The following DPYD variants were observed in gnomAD, a reference collection of about 807,000 sequenced individuals.
DPYD encodes dihydropyrimidine dehydrogenase [NADP(+)].
In DPYD, 109 loss-of-function variants were observed where a neutral mutation model predicts 116.2. The observed-to-expected ratio is 0.94, with a 90% CI of 0.80 to 1.10. The LOEUF is 1.10. Among genes scored for constraint, DPYD ranks in the 50% least tolerant of loss-of-function variants. The probability of loss-of-function intolerance (pLI) is 0.00; values close to 1 mark genes in which losing one functional copy is unlikely to be tolerated. For synonymous variants in DPYD, 440 were observed against 432.0 expected (o/e 1.02, Z -0.23); for missense variants, 1,302 against 1,254.5 (o/e 1.04, Z -0.57).
At chr1:97,313,657 C>T (rs1667647706) in intron 16 of DPYD, among the ~76,000 whole-genome samples, 1 of 151,744 alleles carries the variant, frequency 6.6e-6, no homozygotes, top group African/African-American at 2.4e-5. Context: ...ACCTGGAATG[C>T]CCTTCATTTT....
chr1:97,885,346 AAT>A (rs1672430152), intron 1 of DPYD, among the ~76,000 whole-genome samples: 1 of 152,032 alleles, frequency 6.6e-6, no homozygotes, highest in South Asian at 2.1e-4. Context: ...ACAAGCTAAA[AAT>A]GTTATTTTCC....
chr1:97,545,873 T>C, intron 12 of DPYD: 1 of 1,074,964 alleles, frequency 9.3e-7, no homozygotes, highest in South Asian at 1.3e-5. Context: ...CTTAGACAGG[T>C]TTCTAATCAT....
chr1:97,496,103 T>C (rs868530462), intron 13 of DPYD, among the ~76,000 whole-genome samples: 3 of 152,104 alleles, frequency 2.0e-5, no homozygotes, highest in Admixed American at 2.0e-4. Context: ...AATAAACAGC[T>C]GGCAAGTCAG....
chr1:97,635,218 G>A (rs977783661), intron 8 of DPYD, among the ~76,000 whole-genome samples: 3 of 152,076 alleles, frequency 2.0e-5, no homozygotes, highest in Non-Finnish European at 2.9e-5. Flanking sequence ...AATTATGTAG[G>A]GACCGATATA....
At chr1:97,662,456 C>T (rs897416961) in intron 8 of DPYD, among the ~76,000 whole-genome samples, 2 of 151,622 alleles carry the variant, frequency 1.3e-5, no homozygotes, top group Admixed American at 6.6e-5. Context: ...CATGGAGAAA[C>T]TCCATCTCTA....
chr1:97,303,829 T>C (rs1667001693), intron 18 of DPYD, among the ~76,000 whole-genome samples: 1 of 151,986 alleles, frequency 6.6e-6, no homozygotes. Context: ...TGAATATTTA[T>C]ATATGAATTT....
chr1:97,721,773 G>A (rs1477270898), intron 4 of DPYD, 102 bp from the exon 5 acceptor site: 1 of 1,138,082 alleles, frequency 8.8e-7, no homozygotes, highest in South Asian at 1.4e-5. Context: ...TCAGATTGAA[G>A]ATAATGATGT....
intron 8 of DPYD, among the ~76,000 whole-genome samples, chr1:97,644,451 C>G (rs1237896891): frequency 6.6e-6 from 1 of 151,866 alleles, no homozygotes; most frequent in African/African-American, 2.4e-5. Flanking sequence ...TGTTTTGAGA[C>G]AGAGTCTCCA....
chr1:97,895,673 G>A (rs1475514136), intron 1 of DPYD, among the ~76,000 whole-genome samples: 1 of 151,652 alleles, frequency 6.6e-6, no homozygotes, highest in Non-Finnish European at 1.5e-5. Context: ...AGGAGCTGAG[G>A]AGTTGGGGAA....
intron 10 of DPYD, among the ~76,000 whole-genome samples, chr1:97,583,305 G>C (rs569027843): frequency 2.4e-4 from 36 of 152,148 alleles, no homozygotes; most frequent in African/African-American, 8.2e-4. Flanking sequence ...ATTTACTATT[G>C]ATGACATTTT....
At chr1:97,259,879 C>T (rs191046064) in intron 18 of DPYD, among the ~76,000 whole-genome samples, 1 of 152,202 alleles carries the variant, frequency 6.6e-6, no homozygotes, top group Non-Finnish European at 1.5e-5. Context: ...GATATGTACA[C>T]ATCTCTTTAC....
At chr1:97,682,946 C>T (rs2100926794) in intron 7 of DPYD, among the ~76,000 whole-genome samples, 1 of 152,148 alleles carries the variant, frequency 6.6e-6, no homozygotes, top group African/African-American at 2.4e-5. Flanking sequence ...GCCAAAGTTC[C>T]ATCTAATAGT....
At chr1:97,395,727 T>A (rs1033743190) in intron 14 of DPYD, among the ~76,000 whole-genome samples, 9 of 152,088 alleles carry the variant, frequency 5.9e-5, no homozygotes, top group African/African-American at 2.2e-4. Flanking sequence ...TGACTTGTTT[T>A]AATCAGTAGA....
At chr1:97,171,297 T>C (rs1656709461) in intron 20 of DPYD, among the ~76,000 whole-genome samples, 1 of 152,080 alleles carries the variant, frequency 6.6e-6, no homozygotes, top group Non-Finnish European at 1.5e-5. Flanking sequence ...CTAAGTTCAC[T>C]GAATACAGGT....
intron 20 of DPYD, among the ~76,000 whole-genome samples, chr1:97,139,502 G>A (rs1031194362): frequency 6.6e-6 from 1 of 152,064 alleles, no homozygotes; most frequent in Admixed American, 6.6e-5. Flanking sequence ...CCAAGACTGG[G>A]TTCTATTCAT....
intron 14 of DPYD, among the ~76,000 whole-genome samples, chr1:97,388,549 C>T (rs949280857): frequency 1.1e-4 from 17 of 152,058 alleles, no homozygotes; most frequent in Non-Finnish European, 2.2e-4. Context: ...GTGATGAATG[C>T]TTCTGAAAGT....
At chr1:97,873,834 G>T (rs939957979) in intron 2 of DPYD, among the ~76,000 whole-genome samples, 7 of 152,052 alleles carry the variant, frequency 4.6e-5, no homozygotes, top group African/African-American at 1.7e-4. Flanking sequence ...CTTACTACAT[G>T]TGTGGCACTA....
chr1:97,551,631 A>T (rs1295834577), intron 11 of DPYD, among the ~76,000 whole-genome samples: 1 of 152,128 alleles, frequency 6.6e-6, no homozygotes, highest in Non-Finnish European at 1.5e-5. Context: ...CTCATGTTTC[A>T]CAGCAATATC....
At chr1:97,546,488 A>C (rs1650876743) in intron 12 of DPYD, 14 of 1,604,288 alleles carry the variant, frequency 8.7e-6, no homozygotes, top group Non-Finnish European at 1.2e-5. Context: ...GAGCAAGATG[A>C]AAAACAAAAC....
Sources: gnomAD v4.1 joint callset for allele counts (sites outside exome capture counted in the v4.1 genomes callset) on GRCh38, gnomAD v4.1.1 for gene constraint, MANE v1.5 for transcripts, NCBI Gene and HGNC (gene_info 2026-07-23, HGNC 2026-07-21) for gene names.